Variants in CAST observed in about 807,000 individuals in gnomAD.
CAST encodes the protein MIR583 host.
Under a neutral mutation model 119.6 loss-of-function variants are expected in CAST, and 76 were observed. The ratio of observed to expected loss-of-function variants is 0.64; its 90% CI spans 0.53 to 0.77. The LOEUF (loss-of-function observed/expected upper bound fraction) is 0.77. CAST is among the 30% of genes least tolerant of loss of function. CAST has a pLI of 0.00. For missense variants in CAST, 953 were observed against 946.5 expected (o/e 1.01, Z -0.09); for synonymous variants, 319 against 331.6 (o/e 0.96, Z 0.41).
At chr5:96,389,399 A>G in the CAST span, among the ~76,000 whole-genome samples, 3 of 152,220 alleles carry the variant, frequency 2.0e-5, no homozygotes, top group Non-Finnish European at 1.5e-5. Context: ...TTAATCGATT[A>G]ATCAATGAAA....
intron 9 of CAST, among the ~76,000 whole-genome samples, chr5:96,731,764 G>A (rs974881332): frequency 6.8e-5 from 10 of 146,108 alleles, no homozygotes; most frequent in South Asian, 2.1e-4. Context: ...TTGGTTTTTC[G>A]TTCTTGCGAT....
At chr5:96,333,718 G>A in the CAST span, among the ~76,000 whole-genome samples, 2 of 152,120 alleles carry the variant, frequency 1.3e-5, no homozygotes, top group Non-Finnish European at 2.9e-5. Flanking sequence ...TGGGCGAGGG[G>A]TGTACTCAGC....
At chr5:96,477,065 AACACACACAC>A in the CAST span, among the ~76,000 whole-genome samples, 10,408 of 136,644 alleles carry the variant, frequency 0.076, 566 homozygotes, top group East Asian at 0.26. Context: ...AATGTGCCAA[AACACACACAC>A]ACACACACAC....
the CAST span, among the ~76,000 whole-genome samples, chr5:96,268,351 T>C: frequency 2.0e-5 from 3 of 152,158 alleles, no homozygotes; most frequent in African/African-American, 7.2e-5. Context: ...GATGGGAGAA[T>C]TGCCTGAGGC....
chr5:96,003,822 T>G, the CAST span, among the ~76,000 whole-genome samples: 1 of 152,228 alleles, frequency 6.6e-6, no homozygotes, highest in Non-Finnish European at 1.5e-5. Flanking sequence ...TTCCCTTGTA[T>G]AGAACATTTT....
the CAST span, among the ~76,000 whole-genome samples, chr5:96,244,421 C>G: frequency 6.6e-6 from 1 of 151,914 alleles, no homozygotes. Flanking sequence ...AATAATAAAA[C>G]CATAGTAGAA....
At chr5:96,526,567 C>T (rs1435842280), upstream of CAST, among the ~76,000 whole-genome samples, 1 of 152,176 alleles carries the variant, frequency 6.6e-6, no homozygotes, top group African/African-American at 2.4e-5. Context: ...GGTTTGTTCT[C>T]AATTTCCTTT....
intron 1 of CAST, among the ~76,000 whole-genome samples, chr5:96,598,326 C>G (rs1007803229): frequency 6.6e-6 from 1 of 152,168 alleles, no homozygotes; most frequent in Non-Finnish European, 1.5e-5. Flanking sequence ...AACAGGACCC[C>G]CAAGTCTGCC....
rs1763803194 is a variant in CAST at position 96,746,550 on chromosome 5, C to G, written c.1284+125C>G. 6 of 731,080 alleles carry G rather than the reference C, an allele frequency of 8.2e-6. No homozygotes were observed. The East Asian group carries it at 9.9e-5, about 12-fold the overall frequency. The allele number at this position is 731,080 out of a possible 1,614,324, so 45.3% of individuals were successfully genotyped here. On this transcript the variant is annotated intron_variant, in intron 17 of 31. Transcript: ENST00000675179. ...CCATTCAGATATTAACTCTGAAAAC[C>G]CTGAACCTTTTTTTCTCTGCTCCCT... is the stretch of plus-strand genomic sequence containing the variant.
intron 24 of CAST, among the ~76,000 whole-genome samples, chr5:96,758,487 T>C (rs917479897): frequency 1.3e-5 from 2 of 152,242 alleles, no homozygotes; most frequent in African/African-American, 4.8e-5. Context: ...CTGGTTTATC[T>C]GTTTACTGGG....
At chr5:96,511,023 G>C in the CAST span, among the ~76,000 whole-genome samples, 3 of 152,090 alleles carry the variant, frequency 2.0e-5, no homozygotes, top group Admixed American at 2.0e-4. Context: ...TGGCTTGTGT[G>C]GTCCACACTG....
At chr5:96,632,051 C>T (rs908834540) in intron 1 of CAST, among the ~76,000 whole-genome samples, 1 of 117,376 alleles carries the variant, frequency 8.5e-6, no homozygotes, top group Admixed American at 7.8e-5. Context: ...ATTATTATAG[C>T]TATCCTAGTG....
chr5:96,595,607 G>A (rs1747038977), intron 1 of CAST, among the ~76,000 whole-genome samples: 1 of 152,164 alleles, frequency 6.6e-6, no homozygotes, highest in Non-Finnish European at 1.5e-5. Flanking sequence ...AGCAGAGACA[G>A]TGATGGGCTC....
the CAST span, among the ~76,000 whole-genome samples, chr5:95,979,720 C>T: frequency 6.6e-6 from 1 of 152,174 alleles, no homozygotes; most frequent in Non-Finnish European, 1.5e-5. Flanking sequence ...AAAGTATGAA[C>T]ATATTCCCTA....
At chr5:95,963,984 T>G in the CAST span, among the ~76,000 whole-genome samples, 2 of 152,228 alleles carry the variant, frequency 1.3e-5, no homozygotes, top group African/African-American at 4.8e-5. Flanking sequence ...ATCTGACCTG[T>G]AGCTTCTTAC....
At chr5:95,976,795 G>C in the CAST span, among the ~76,000 whole-genome samples, 1 of 152,136 alleles carries the variant, frequency 6.6e-6, no homozygotes, top group South Asian at 2.1e-4. Context: ...GAGGAAGAAG[G>C]CTTCATTTTG....
At chr5:96,665,550 A>G (rs540863340) in intron 1 of CAST, among the ~76,000 whole-genome samples, 2 of 152,254 alleles carry the variant, frequency 1.3e-5, no homozygotes, top group East Asian at 3.9e-4. Flanking sequence ...TCCTTTGGTG[A>G]TAGGTGGGTG....
At chr5:96,398,364 A>G in the CAST span, among the ~76,000 whole-genome samples, 17 of 152,300 alleles carry the variant, frequency 1.1e-4, no homozygotes, top group Middle Eastern at 6.8e-3. Flanking sequence ...CCCATCCACT[A>G]TCTTATCTGA....
At chr5:96,049,241 G>C in the CAST span, among the ~76,000 whole-genome samples, 32 of 152,274 alleles carry the variant, frequency 2.1e-4, no homozygotes, top group African/African-American at 6.7e-4. Flanking sequence ...AAAAAGAAGA[G>C]CTGATTTTGT....
Sources: gnomAD v4.1 joint callset for allele counts (sites outside exome capture counted in the v4.1 genomes callset) on GRCh38, gnomAD v4.1.1 for gene constraint, MANE v1.5 for transcripts, NCBI Gene and HGNC (gene_info 2026-07-23, HGNC 2026-07-21) for gene names.